The following CR1L variants were observed in gnomAD, a reference collection of about 807,000 sequenced individuals.
CR1L encodes complement C3b/C4b receptor 1 like, also known as complement component receptor 1-like protein.
CR1L carries 59 observed loss-of-function variants against 62.3 expected under a neutral mutation model. The ratio of observed to expected loss-of-function variants is 0.95; its 90% CI spans 0.77 to 1.18. The LOEUF is 1.18. Ranked by LOEUF, CR1L falls within the 50% of genes most tolerant of loss-of-function variation. CR1L has a pLI of 0.00. For synonymous variants in CR1L, 279 were observed against 248.7 expected (o/e 1.12, Z -1.15); for missense variants, 700 against 702.8 (o/e 1.00, Z 0.04).
At position 207,678,184 on chromosome 1, in the gene CR1L, T is replaced by C. The variant is rs1663730790; in HGVS notation, c.278-14T>C. ...TACTCTACTTGGCTTCAAATTTCTGTTTCTTTCCTGTAGGTAAATCATGTC... is the reference window on the plus strand; with the variant it reads ...TACTCTACTTGGCTTCAAATTTCTGCTTCTTTCCTGTAGGTAAATCATGTC... On this transcript the variant is annotated splice_polypyrimidine_tract_variant and intron_variant, in intron 2 of 11. Coordinates refer to ENST00000508064, the MANE Select transcript of CR1L (RefSeq NM_175710.2). 6.2e-7 allele frequency: 1 copy of C among 1,612,708 alleles called. No individual in the cohort carries two copies. Among genetic ancestry groups the C allele is most frequent in the Non-Finnish European group, 8.5e-7 (1 of 1,178,870 alleles).
rs767539104 is a variant in CR1L, at chr1:207,694,375, C to A, written c.486C>A (p.Pro162=). The A allele has an allele frequency of 6.0e-5, 97 of 1,613,992 alleles. No individual in the cohort carries two copies. In the East Asian group the frequency reaches 6.9e-4, roughly 11 times the overall value. Residue 162 remains proline (P), a synonymous_variant, in exon 5 of 12, where the codon CCC becomes CCA. Transcript: ENST00000508064. ...CAGGAATTATTTGTGGGCTACCCCC[C>A]ACCATCGCCAATGGAGATTTCACTA... ...VCDRIICGLP[P]TIANGDFTSI...
At chr1:207,695,204 C>A (rs1331433536) in intron 5 of CR1L, among the ~76,000 whole-genome samples, 1 of 152,154 alleles carries the variant, frequency 6.6e-6, no homozygotes, top group Non-Finnish European at 1.5e-5. Flanking sequence ...TGGCTTACTG[C>A]AACCGCCACC....
chr1:207,692,548 T>A (rs200003023), intron 4 of CR1L, among the ~76,000 whole-genome samples: 13 of 152,164 alleles, frequency 8.5e-5, no homozygotes, highest in East Asian at 7.9e-4. Context: ...GACTTCGCAG[T>A]TATGCTGCCG....
At chr1:207,699,893 G>A (rs1485023497) in intron 8 of CR1L, among the ~76,000 whole-genome samples, 3 of 152,116 alleles carry the variant, frequency 2.0e-5, no homozygotes, top group African/African-American at 7.2e-5. Flanking sequence ...AAATGCTACG[G>A]ATAATAGATC....
intron 3 of CR1L, among the ~76,000 whole-genome samples, chr1:207,682,303 C>G (rs1365060665): frequency 6.6e-6 from 1 of 151,982 alleles, no homozygotes; most frequent in Non-Finnish European, 1.5e-5. Flanking sequence ...GAAACCCCGT[C>G]TTTACTAAAA....
In CR1L at chr1:207,683,016, T is replaced by TTCTTTCTTTC. The variant is rs1553243558; in HGVS notation, c.378-855_378-846dup. Among the ~76,000 whole-genome samples, 63 of 143,682 alleles carry TTCTTTCTTTC rather than the reference T, an allele frequency of 4.4e-4. 2 individuals are homozygous for TTCTTTCTTTC. Among genetic ancestry groups the TTCTTTCTTTC allele is most frequent in the South Asian group, 7.2e-4 (3 of 4,192 alleles). 94.3% of individuals were successfully genotyped at this position (143,682 alleles called of 152,430 possible). ...TTTTTCTTTCTTTCTTTCTTTTTCT[T>TTCTTTCTTTC]TCTTTCTTTCCTTCCTTCCTTCCTT... On this transcript the variant is annotated intron_variant, in intron 3 of 11. Transcript: ENST00000508064.
intron 11 of CR1L, among the ~76,000 whole-genome samples, chr1:207,718,067 CA>C (rs1558027643): frequency 1.3e-5 from 2 of 152,098 alleles, no homozygotes; most frequent in Non-Finnish European, 1.5e-5. Context: ...ATGTGCTGCG[CA>C]AAAAGTACAT....
chr1:207,710,107 G>A (rs773702544), intron 10 of CR1L, among the ~76,000 whole-genome samples: 2 of 151,988 alleles, frequency 1.3e-5, no homozygotes, highest in Non-Finnish European at 2.9e-5. Context: ...CATTTGGAAG[G>A]CAGAGGCAGG....
At chr1:207,716,149 TC>T (rs1356904573) in intron 10 of CR1L, among the ~76,000 whole-genome samples, 1 of 152,056 alleles carries the variant, frequency 6.6e-6, no homozygotes, top group Non-Finnish European at 1.5e-5. Flanking sequence ...TGAAGCCACC[TC>T]CCTACTTTCC....
chr1:207,716,731 A>C (rs1472467707), intron 10 of CR1L, among the ~76,000 whole-genome samples: 1 of 152,224 alleles, frequency 6.6e-6, no homozygotes, highest in Admixed American at 6.5e-5. Flanking sequence ...ATGAGAAGTT[A>C]ATCATTGTTT....
At chr1:207,722,154 C>T (rs1198575729) in intron 11 of CR1L, among the ~76,000 whole-genome samples, 2 of 87,992 alleles carry the variant, frequency 2.3e-5, no homozygotes, top group East Asian at 4.9e-4. Context: ...CCTGTTCACT[C>T]TGATGGTAGT....
rs745854706 is a variant in CR1L at position 207,717,536 on chromosome 1, A to G, written c.1487A>G (p.Tyr496Cys). Residue 496 changes from tyrosine to cysteine, a missense_variant, in exon 11 of 12, where the codon TAT becomes TGT. Tyr to Cys is a radical substitution (Grantham distance 194). Transcript: ENST00000508064. Reference protein sequence around the residue: ...HTGTPLGDIPYGKEVSYTCDP... With the variant: ...HTGTPLGDIPCGKEVSYTCDP... The stretch of plus-strand genomic sequence containing the variant: ...GGAACTCCCCTTGGAGATATTCCCT[A>G]TGGAAAAGAAGTATCTTACACATGT... 4.3e-6 allele frequency: 7 copies of G among 1,613,746 alleles called. No individual in the cohort carries two copies. Among genetic ancestry groups the G allele is most frequent in the Non-Finnish European group, 5.9e-6 (7 of 1,179,698 alleles).
chr1:207,716,898 GA>G (rs1654013101), intron 10 of CR1L, among the ~76,000 whole-genome samples: 2 of 152,172 alleles, frequency 1.3e-5, no homozygotes, highest in Admixed American at 6.5e-5. Flanking sequence ...TTGGAAGAAA[GA>G]AAAAAAGCCT....
At chr1:207,700,781 C>T (rs1664177766) in intron 8 of CR1L, among the ~76,000 whole-genome samples, 1 of 152,090 alleles carries the variant, frequency 6.6e-6, no homozygotes. Context: ...GCACTGTGTC[C>T]CCAGGATCCT....
intron 1 of CR1L, among the ~76,000 whole-genome samples, chr1:207,661,116 A>C (rs896968323): frequency 5.9e-5 from 9 of 152,208 alleles, no homozygotes; most frequent in Non-Finnish European, 1.2e-4. Context: ...AAGAATGTAT[A>C]TTCTGTTGAT....
intron 4 of CR1L, among the ~76,000 whole-genome samples, chr1:207,686,446 A>C (rs1482066480): frequency 9.2e-5 from 14 of 152,066 alleles, no homozygotes; most frequent in Admixed American, 7.9e-4. Context: ...GTTGAAGTTT[A>C]TCGAGCACTT....
chr1:207,714,595 G>T (rs1355488618), intron 10 of CR1L, among the ~76,000 whole-genome samples: 17 of 152,160 alleles, frequency 1.1e-4, no homozygotes, highest in Admixed American at 2.0e-4. Context: ...TACAGTATGA[G>T]TCTGGGGGAT....
At chr1:207,721,511 G>A (rs1654137159) in intron 11 of CR1L, among the ~76,000 whole-genome samples, 1 of 150,856 alleles carries the variant, frequency 6.6e-6, no homozygotes, top group Non-Finnish European at 1.5e-5. Flanking sequence ...TCCCTACAAA[G>A]GACATGAACT....
intron 4 of CR1L, among the ~76,000 whole-genome samples, chr1:207,686,300 A>G (rs1663911860): frequency 1.3e-5 from 2 of 151,206 alleles, no homozygotes; most frequent in Non-Finnish European, 2.9e-5. Flanking sequence ...GTCTTGTTCC[A>G]CATCTCAAAG....
Sources: allele counts gnomAD v4.1 joint callset (sites outside exome capture counted in the v4.1 genomes callset), GRCh38; gene constraint gnomAD v4.1.1; transcripts MANE v1.5; gene names NCBI Gene and HGNC (gene_info 2026-07-23, HGNC 2026-07-21).